Variants in CEPT1 observed in about 807,000 individuals in gnomAD.
CEPT1 encodes the protein choline/ethanolamine phosphotransferase 1, also known as choline/ethanolaminephosphotransferase 1.
In CEPT1, 7 loss-of-function variants were observed where a neutral mutation model predicts 42.6. The observed-to-expected ratio is 0.16, with a 90% CI of 0.09 to 0.31. CEPT1 has a LOEUF of 0.31. Among genes scored for constraint, CEPT1 ranks in the 10% least tolerant of loss-of-function variants. The pLI is 1.00. For missense variants in CEPT1, 306 were observed against 502.1 expected (o/e 0.61, Z 3.73); for synonymous variants, 171 against 171.9 (o/e 0.99, Z 0.04).
At chr1:111,161,500 C>A (rs977102522) in intron 4 of CEPT1, among the ~76,000 whole-genome samples, 21 of 152,062 alleles carry the variant, frequency 1.4e-4, no homozygotes, top group Non-Finnish European at 5.9e-5. Context: ...ATATCAGAAC[C>A]TCCCAGCCAG....
chr1:111,166,014 A>G (rs946881488), intron 4 of CEPT1, among the ~76,000 whole-genome samples: 2 of 152,180 alleles, frequency 1.3e-5, no homozygotes, highest in Admixed American at 1.3e-4. Flanking sequence ...CGTAGAATCT[A>G]TTTATCTTTA....
In CEPT1 at chr1:111,161,246, C is replaced by T; in HGVS notation, c.579C>T (p.Phe193=). 3 of 1,613,734 alleles carry T rather than the reference C, an allele frequency of 1.9e-6. No homozygotes were observed. The highest frequency in any genetic ancestry group is 2.5e-6 in the Non-Finnish European group (3 of 1,179,848). ...GTTGTTTTGCGGGGACATTTATGTT[C>T]TATTGTGCGCACTGGCAAACGTATG... ...FFCCFAGTFM[F]YCAHWQTYVS... Residue 193 remains phenylalanine, a synonymous_variant, in exon 4 of 9, where the codon TTC becomes TTT. Coordinates refer to ENST00000357172, the MANE Select transcript of CEPT1 (RefSeq NM_006090.5).
chr1:111,173,057 G>A (rs1656501093), intron 4 of CEPT1: 2 of 152,056 alleles, frequency 1.3e-5, no homozygotes, highest in Non-Finnish European at 2.9e-5. Flanking sequence ...AATTGCATGA[G>A]GTTCCCTCCA....
At chr1:111,157,114 G>T (rs758049208) in intron 2 of CEPT1, among the ~76,000 whole-genome samples, 1 of 152,108 alleles carries the variant, frequency 6.6e-6, no homozygotes, top group Admixed American at 6.5e-5. Context: ...AAAATAATGT[G>T]CACAAGGAAG....
At chr1:111,142,446 G>A (rs1293319116) in intron 1 of CEPT1, among the ~76,000 whole-genome samples, 1 of 152,142 alleles carries the variant, frequency 6.6e-6, no homozygotes, top group Non-Finnish European at 1.5e-5. Context: ...GAACCACTAA[G>A]TGTTTATTAA....
In CEPT1 at chr1:111,164,761, C is replaced by T. The variant is rs577569920; in HGVS notation, c.629+3465C>T. Among the ~76,000 whole-genome samples the T allele has an allele frequency of 1.2e-3, 180 of 151,978 alleles. 1 individual carries two copies. Among genetic ancestry groups the T allele is most frequent in the African/African-American group, 4.2e-3 (175 of 41,492 alleles). ...TCAGCCTCCCGAGTAGCTAGGACTA[C>T]AGGTGCGTGCTGCCACCATGCCCAG... is the stretch of plus-strand genomic sequence containing the variant. On this transcript the variant is annotated intron_variant, in intron 4 of 8. Transcript: ENST00000357172.
At chr1:111,183,990 A>G (rs1311337027) in intron 8 of CEPT1, among the ~76,000 whole-genome samples, 3 of 152,204 alleles carry the variant, frequency 2.0e-5, no homozygotes, top group Non-Finnish European at 2.9e-5. Flanking sequence ...GACAAAGACA[A>G]TAAGGCCCAT....
intron 4 of CEPT1, among the ~76,000 whole-genome samples, chr1:111,172,360 C>T (rs1020137874): frequency 5.3e-5 from 8 of 151,862 alleles, no homozygotes; most frequent in African/African-American, 1.7e-4. Context: ...TTACCACTGA[C>T]GATTCTCCAT....
rs150966457 is a variant in CEPT1 at position 111,184,310 on chromosome 1, A to G, written c.1251A>G (p.Ter417=). ...KVSTAHSNHH[*] is the part of the protein sequence containing the mutation. ...CTACAGCTCATTCTAATCATCATTAATGATGTAATTGGTATATAGGAACAT... is the reference window on the plus strand; with the variant it reads ...CTACAGCTCATTCTAATCATCATTAGTGATGTAATTGGTATATAGGAACAT... Residue 417 remains the stop codon, a stop_retained_variant, in exon 9 of 9, where the codon TAA becomes TAG. Transcript: ENST00000357172. 16 of 1,610,588 alleles carry G rather than the reference A, an allele frequency of 9.9e-6. No individual in the cohort carries two copies. Among genetic ancestry groups the G allele is most frequent in the Non-Finnish European group, 1.4e-5 (16 of 1,177,818 alleles).
At chr1:111,176,467 A>C (rs752992280) in intron 5 of CEPT1, among the ~76,000 whole-genome samples, 17 of 152,140 alleles carry the variant, frequency 1.1e-4, no homozygotes, top group Non-Finnish European at 2.4e-4. Context: ...TTTTCCCCCC[A>C]AAATTATTTG....
At chr1:111,152,670 T>C (rs1470851882) in intron 2 of CEPT1, among the ~76,000 whole-genome samples, 1 of 152,164 alleles carries the variant, frequency 6.6e-6, no homozygotes, top group African/African-American at 2.4e-5. Flanking sequence ...TTGGGGGAGA[T>C]TGCATGATGA....
Position 111,184,213 on chromosome 1 carries a change from T to C in CEPT1, c.1154T>C (p.Ile385Thr). 1 of 1,613,642 alleles carries C rather than the reference T, an allele frequency of 6.2e-7. No homozygotes were observed. Among genetic ancestry groups the C allele is most frequent in the Non-Finnish European group, 8.5e-7 (1 of 1,179,606 alleles). Reference sequence around the variant, plus strand: ...CAGGTTTTCTCTTTCTTTGATTTGATCCGCTACTGTGTCAGTGTTTGCAAT... The same window carrying C: ...CAGGTTTTCTCTTTCTTTGATTTGACCCGCTACTGTGTCAGTGTTTGCAAT... The part of the protein sequence containing the change: ...IALVFSFFDL[I>T]RYCVSVCNQI... Residue 385 changes from isoleucine (I) to threonine (T), a missense_variant, in exon 9 of 9, where the codon ATC becomes ACC. By Grantham distance (89) the Ile-to-Thr change is moderately conservative. Coordinates refer to ENST00000357172, the MANE Select transcript of CEPT1 (RefSeq NM_006090.5).
At chr1:111,149,622 T>C (rs1408221146) in intron 2 of CEPT1, among the ~76,000 whole-genome samples, 1 of 152,234 alleles carries the variant, frequency 6.6e-6, no homozygotes, top group Non-Finnish European at 1.5e-5. Flanking sequence ...CACAAACCAG[T>C]ACATTATTTA....
chr1:111,175,035 A>G, intron 5 of CEPT1, 72 bp downstream of exon 5: 1 of 921,980 alleles, frequency 1.1e-6, no homozygotes, highest in Admixed American at 1.7e-5. Context: ...ATATGGGATA[A>G]TCCAGTTAAA....
At chr1:111,164,460 T>G (rs1467278558) in intron 4 of CEPT1, among the ~76,000 whole-genome samples, 1 of 152,170 alleles carries the variant, frequency 6.6e-6, no homozygotes, top group African/African-American at 2.4e-5. Context: ...GATTGGGTTG[T>G]AGAAGATAAA....
chr1:111,154,763 G>T (rs568007660), intron 2 of CEPT1, among the ~76,000 whole-genome samples: 1 of 152,122 alleles, frequency 6.6e-6, no homozygotes, highest in Non-Finnish European at 1.5e-5. Context: ...TTAGTTCTTC[G>T]TTCTGTTGAT....
At chr1:111,145,583 C>G (rs540369342) in intron 1 of CEPT1, among the ~76,000 whole-genome samples, 2 of 152,288 alleles carry the variant, frequency 1.3e-5, no homozygotes, top group East Asian at 1.9e-4. Flanking sequence ...GTGAGTGTCC[C>G]CCTGGCTGGT....
intron 2 of CEPT1, among the ~76,000 whole-genome samples, chr1:111,151,279 A>G (rs752266714): frequency 1.3e-5 from 2 of 152,088 alleles, no homozygotes; most frequent in African/African-American, 4.8e-5. Flanking sequence ...GCACGCCGCC[A>G]CACCCAGCTA....
At chr1:111,158,858 G>C (rs940088661) in intron 2 of CEPT1, among the ~76,000 whole-genome samples, 1 of 144,608 alleles carries the variant, frequency 6.9e-6, no homozygotes, top group African/African-American at 2.6e-5. Context: ...TCTAGCATCT[G>C]CCTGAACACC....
Sources: allele counts gnomAD v4.1 joint callset (sites outside exome capture counted in the v4.1 genomes callset), GRCh38; gene constraint gnomAD v4.1.1; transcripts MANE v1.5; gene names NCBI Gene and HGNC (gene_info 2026-07-23, HGNC 2026-07-21).